Variants in MRPS17 observed in about 807,000 individuals in gnomAD.
The protein encoded by MRPS17 is mitochondrial ribosomal protein S17.
Under a neutral mutation model 11.3 loss-of-function variants are expected in MRPS17, and 6 were observed. The observed-to-expected ratio is 0.53, with a 90% CI of 0.29 to 1.05. The LOEUF (loss-of-function observed/expected upper bound fraction) is 1.05, where lower values mean the gene tolerates loss of function less well. Ranked by LOEUF, MRPS17 falls within the 50% of genes least tolerant of loss-of-function variation. MRPS17 has a pLI of 0.08. For synonymous variants in MRPS17, 56 were observed against 60.4 expected (o/e 0.93, Z 0.34); for missense variants, 139 against 153.6 (o/e 0.90, Z 0.50).
intron 1 of MRPS17, among the ~76,000 whole-genome samples, chr7:55,952,525 A>G (rs1786654444): frequency 6.6e-6 from 1 of 151,450 alleles, no homozygotes; most frequent in Non-Finnish European, 1.5e-5. Context: ...ACCTGAGGTC[A>G]GGAGTTCGAG....
chr7:55,954,764 T>C (rs1786702074), intron 2 of MRPS17, 145 bp from the exon 3 acceptor site: 1 of 981,910 alleles, frequency 1.0e-6, no homozygotes, highest in Non-Finnish European at 1.5e-6. Context: ...ACTCAGGCTC[T>C]AATTTTTGTA....
In MRPS17 at chr7:55,956,170, T is replaced by C. The variant is rs1451352239; in HGVS notation, c.*992T>C. The C allele has an allele frequency of 1.3e-5, 2 of 152,248 alleles. No homozygotes were observed. Among genetic ancestry groups the C allele is most frequent in the African/African-American group, 2.4e-5 (1 of 41,416 alleles). The allele number at this position is 152,248 out of a possible 1,614,324, so 9.4% of individuals were successfully genotyped here. On this transcript the variant is annotated 3_prime_UTR_variant, in exon 3 of 3. Coordinates refer to ENST00000285298, the MANE Select transcript of MRPS17 (RefSeq NM_015969.3). ...GGAGTTTCACTCTTGTTGCCCAGGC[T>C]GGAGTGCAATGGCATGATCTCAGCC...
intron 1 of MRPS17, 173 bp downstream of exon 1, chr7:55,952,103 G>A (rs575867384): frequency 2.0e-5 from 3 of 152,288 alleles, no homozygotes; most frequent in Non-Finnish European, 4.4e-5. Context: ...GAAGCCTGGT[G>A]GAATGGCTTG....
chr7:55,955,106 G>A lies in MRPS17; in HGVS notation c.321G>A (p.Glu107=). 1 of 1,614,200 alleles carries A rather than the reference G, an allele frequency of 6.2e-7. No individual in the cohort carries two copies. The highest frequency in any genetic ancestry group is 8.5e-7 in the Non-Finnish European group (1 of 1,180,048). The part of the protein sequence containing the change: ...GKPCAGTTYL[E]SPLSSETTQL... ...CCTGTGCTGGAACTACCTACCTGGA[G>A]AGTCCGTTGAGTTCGGAAACCACCC... is the stretch of plus-strand genomic sequence containing the variant. Residue 107 remains glutamate, a synonymous_variant, in exon 3 of 3, where the codon GAG becomes GAA. Coordinates refer to ENST00000285298, the MANE Select transcript of MRPS17 (RefSeq NM_015969.3).
In MRPS17 at chr7:55,955,375, C is replaced by G. The variant is rs538183899; in HGVS notation, c.*197C>G. On this transcript the variant is annotated 3_prime_UTR_variant, in exon 3 of 3. Transcript: ENST00000285298. ...GTCGTGTTTCAAATTTTCATCATTT[C>G]AGTGAACATACTTCCACGTTACATT... is the stretch of plus-strand genomic sequence containing the variant. 1 of 645,562 alleles carries G rather than the reference C, an allele frequency of 1.5e-6. No homozygotes were observed. The highest frequency in any genetic ancestry group is 2.0e-5 in the South Asian group (1 of 48,996). The allele number at this position is 645,562 out of a possible 1,614,324, so 40.0% of individuals were successfully genotyped here.
chr7:55,952,316 T>A (rs1179035260), intron 1 of MRPS17: 1 of 152,286 alleles, frequency 6.6e-6, no homozygotes, highest in Non-Finnish European at 1.5e-5. Context: ...AAAGCACTCC[T>A]GCGAAATAGG....
At chr7:55,953,039 A>AG (rs893982507) in intron 1 of MRPS17, 140 bp from the exon 2 acceptor site, 6 of 1,012,358 alleles carry the variant, frequency 5.9e-6, no homozygotes, top group East Asian at 2.4e-5. Context: ...CTAAAAAAAA[A>AG]CAAAACAAAA....
At position 55,956,500 on chromosome 7, in the gene MRPS17, G is replaced by C. The variant is rs1786729046; in HGVS notation, c.*1322G>C. The stretch of plus-strand genomic sequence containing the variant: ...GTGGAAAATAAAATTTTACAATTCT[G>C]TGCCACTTTTCTTACATCCTAGGCT... On this transcript the variant is annotated 3_prime_UTR_variant, in exon 3 of 3. Coordinates refer to ENST00000285298, the MANE Select transcript of MRPS17 (RefSeq NM_015969.3). 6.6e-6 allele frequency: 1 copy of C among 152,142 alleles called. No individual in the cohort carries two copies. The highest frequency in any genetic ancestry group is 1.5e-5 in the Non-Finnish European group (1 of 68,030). 9.4% of individuals were successfully genotyped at this position (152,142 alleles called of 1,614,324 possible). A position where few individuals can be genotyped will look rare whatever the true frequency, so the allele number is the denominator to read the frequency against.
Position 55,955,265 on chromosome 7 carries a change from G to C in MRPS17, c.*87G>C. The C allele has an allele frequency of 1.3e-6, 2 of 1,481,594 alleles. No individual in the cohort carries two copies. Among genetic ancestry groups the C allele is most frequent in the African/African-American group, 2.8e-5 (2 of 71,276 alleles). 91.8% of individuals were successfully genotyped at this position (1,481,594 alleles called of 1,614,324 possible). A position where few individuals can be genotyped will look rare whatever the true frequency, so the allele number is the denominator to read the frequency against. ...ATTTTTCTAAGTTTCATCACAAACT[G>C]TGTCCAGTTTCTCTGTGGTGTTTAT... On this transcript the variant is annotated 3_prime_UTR_variant, in exon 3 of 3. Transcript: ENST00000285298.
chr7:55,953,043 A>T lies in MRPS17; in HGVS notation c.-17-136A>T, dbSNP rs1786670020. On this transcript the variant is annotated intron_variant, in intron 1 of 2. Transcript: ENST00000285298. The stretch of plus-strand genomic sequence containing the variant: ...AGAGACTACATCTAAAAAAAAACAA[A>T]ACAAAACTGTTTCTGGGTGGAGGGG... The T allele has an allele frequency of 7.7e-6, 8 of 1,042,264 alleles. No homozygotes were observed. The African/African-American group carries it at 8.1e-5, about 11-fold the overall frequency. The allele number at this position is 1,042,264 out of a possible 1,614,324, so 64.6% of individuals were successfully genotyped here.
chr7:55,956,292 T>A lies in MRPS17; in HGVS notation c.*1114T>A, dbSNP rs375552701. 66 of 152,092 alleles carry A rather than the reference T, an allele frequency of 4.3e-4. No homozygotes were observed. Among genetic ancestry groups the A allele is most frequent in the African/African-American group, 1.5e-3 (63 of 41,466 alleles). The allele number at this position is 152,092 out of a possible 1,614,324, so 9.4% of individuals were successfully genotyped here. A position where few individuals can be genotyped will look rare whatever the true frequency, so the allele number is the denominator to read the frequency against. ...GTGCCACCACGCCCAGCTAATTTTG[T>A]ATTTTTAGTAGGGATGGGGTTTCTC... On this transcript the variant is annotated 3_prime_UTR_variant, in exon 3 of 3. Coordinates refer to ENST00000285298, the MANE Select transcript of MRPS17 (RefSeq NM_015969.3).
chr7:55,954,904 A>G lies in MRPS17; in HGVS notation c.124-5A>G. The stretch of plus-strand genomic sequence containing the variant: ...ACTGATTTGCTTCTCTCCCTCTCTC[A>G]ACAGTATTTTAATAAGCGGAAAACC... On this transcript the variant is annotated splice_region_variant and splice_polypyrimidine_tract_variant and intron_variant, in intron 2 of 2. Coordinates refer to ENST00000285298, the MANE Select transcript of MRPS17 (RefSeq NM_015969.3). The G allele has an allele frequency of 1.2e-6, 2 of 1,612,006 alleles. No homozygotes were observed. The highest frequency in any genetic ancestry group is 1.7e-6 in the Non-Finnish European group (2 of 1,178,376).
chr7:55,953,380 G>T, intron 2 of MRPS17, 62 bp downstream of exon 2: 1 of 1,584,528 alleles, frequency 6.3e-7, no homozygotes, highest in Non-Finnish European at 8.6e-7. Flanking sequence ...TGGGTCCTAA[G>T]CAAAAAAACA....
Position 55,955,089 on chromosome 7 carries a change from G to A in MRPS17, c.304G>A (p.Gly102Arg). Reference protein sequence around the residue: ...IDPVTGKPCAGTTYLESPLSS... With the variant: ...IDPVTGKPCARTTYLESPLSS... Reference sequence around the variant, plus strand: ...TCCAGTGACAGGAAAGCCCTGTGCTGGAACTACCTACCTGGAGAGTCCGTT... The same window carrying A: ...TCCAGTGACAGGAAAGCCCTGTGCTAGAACTACCTACCTGGAGAGTCCGTT... The change falls in exon 3 of 3, where the codon GGA becomes AGA. Residue 102 changes from glycine to arginine, a missense_variant. Gly to Arg is a moderately radical substitution (Grantham distance 125). Coordinates refer to ENST00000285298, the MANE Select transcript of MRPS17 (RefSeq NM_015969.3). 1 of 1,614,168 alleles carries A rather than the reference G, an allele frequency of 6.2e-7. No individual in the cohort carries two copies. Among genetic ancestry groups the A allele is most frequent in the Non-Finnish European group, 8.5e-7 (1 of 1,180,044 alleles).
chr7:55,953,261 G>A lies in MRPS17; in HGVS notation c.66G>A (p.Met22Ile). The change falls in exon 2 of 3, where the codon ATG becomes ATA. Residue 22 changes from methionine (M) to isoleucine (I), a missense_variant. By Grantham distance (10) the Met-to-Ile change is conservative (BLOSUM62 1). Coordinates refer to ENST00000285298, the MANE Select transcript of MRPS17 (RefSeq NM_015969.3). ...TGGGGAAGGTGATTGGGACAAAAAT[G>A]CAAAAGACTGCTAAAGTGAGAGTGA... The part of the protein sequence containing the change: ...WIVGKVIGTK[M>I]QKTAKVRVTR... The A allele has an allele frequency of 6.2e-7, 1 of 1,614,146 alleles. No individual in the cohort carries two copies. Among genetic ancestry groups the A allele is most frequent in the East Asian group, 2.2e-5 (1 of 44,878 alleles).
rs757701198 is a variant in MRPS17 at position 55,953,192 on chromosome 7, C to A, written c.-4C>A. The A allele has an allele frequency of 1.2e-6, 2 of 1,613,752 alleles. No individual in the cohort carries two copies. Among genetic ancestry groups the A allele is most frequent in the Non-Finnish European group, 1.7e-6 (2 of 1,179,956 alleles). On this transcript the variant is annotated 5_prime_UTR_variant, in exon 2 of 3. Transcript: ENST00000285298. ...TTTGCTTTTCAGGTGACCAAAGCCA[C>A]GTAATGTCCGTAGTTCGCTCATCCG... is the stretch of plus-strand genomic sequence containing the variant.
intron 2 of MRPS17, among the ~76,000 whole-genome samples, 177 bp downstream of exon 2, chr7:55,953,495 G>A (rs147830406): frequency 4.6e-5 from 7 of 152,266 alleles, no homozygotes; most frequent in African/African-American, 1.4e-4. Context: ...AACAGTTAAT[G>A]TCAATCCACT....
At chr7:55,953,152 T>G (rs1276835787) in intron 1 of MRPS17, 27 bp from the exon 2 acceptor site, 2 of 1,612,958 alleles carry the variant, frequency 1.2e-6, no homozygotes, top group African/African-American at 2.7e-5. Flanking sequence ...ACCACCAGAA[T>G]ATGAGACTTT....
At chr7:55,952,949 G>A (rs1263560255) in intron 1 of MRPS17, among the ~76,000 whole-genome samples, 1 of 149,490 alleles carries the variant, frequency 6.7e-6, no homozygotes, top group Non-Finnish European at 1.5e-5. Flanking sequence ...GGAGAATGGC[G>A]TGAACCCAGG....
Sources: gnomAD v4.1 joint callset for allele counts (sites outside exome capture counted in the v4.1 genomes callset) on GRCh38, gnomAD v4.1.1 for gene constraint, MANE v1.5 for transcripts, NCBI Gene and HGNC (gene_info 2026-07-23, HGNC 2026-07-21) for gene names.